Variants in RERE observed in about 807,000 individuals in gnomAD.
RERE encodes the protein arginine-glutamic acid dipeptide repeats protein.
In RERE, 40 loss-of-function variants were observed where a neutral mutation model predicts 146.1. The observed-to-expected ratio is 0.27, with a 90% CI of 0.21 to 0.36. The LOEUF is 0.36. Among genes scored for constraint, RERE ranks in the 10% least tolerant of loss-of-function variants. The pLI is 1.00. For synonymous variants in RERE, 1,003 were observed against 866.0 expected (o/e 1.16, Z -2.78); for missense variants, 1,933 against 2,138.7 (o/e 0.90, Z 1.90).
intron 4 of RERE, among the ~76,000 whole-genome samples, chr1:8,568,755 T>C (rs1646182376): frequency 6.6e-6 from 1 of 152,162 alleles, no homozygotes; most frequent in South Asian, 2.1e-4. Context: ...AAAAAAAGAC[T>C]AAGACATGGC....
At chr1:8,532,538 A>T (rs1645670973) in intron 7 of RERE, among the ~76,000 whole-genome samples, 1 of 152,144 alleles carries the variant, frequency 6.6e-6, no homozygotes, top group Non-Finnish European at 1.5e-5. Flanking sequence ...CTCCTGCCTC[A>T]GCCTCCCAAG....
intron 1 of RERE, among the ~76,000 whole-genome samples, chr1:8,682,150 C>T (rs1054738204): frequency 2.0e-5 from 3 of 152,148 alleles, no homozygotes; most frequent in African/African-American, 7.2e-5. Context: ...TGTACTGAAG[C>T]TCTGTCGTAT....
At chr1:8,372,590 T>C (rs1332421497) in intron 12 of RERE, among the ~76,000 whole-genome samples, 2 of 105,850 alleles carry the variant, frequency 1.9e-5, no homozygotes, top group African/African-American at 6.4e-5. Context: ...AATAACCGTA[T>C]GCGCACCCCC....
chr1:8,732,558 C>A (rs2124489400), intron 1 of RERE, among the ~76,000 whole-genome samples: 1 of 152,038 alleles, frequency 6.6e-6, no homozygotes, highest in Middle Eastern at 3.4e-3. Context: ...TGAAACTATT[C>A]TGCAGGATAC....
chr1:8,624,227 T>C, intron 3 of RERE, 83 bp downstream of exon 3: 4 of 1,104,636 alleles, frequency 3.6e-6, no homozygotes, highest in East Asian at 2.4e-5. Flanking sequence ...TCAACAGCGA[T>C]GGAGGAACAA....
At position 8,479,379 on chromosome 1, in the gene RERE, G is replaced by C. The variant is rs1178529009; in HGVS notation, c.1105-13356C>G. On this transcript the variant is annotated intron_variant, in intron 10 of 22. Coordinates refer to ENST00000400908, the MANE Select transcript of RERE (RefSeq NM_001042681.2). ...TTATATAATAGTCATTTTAACTGTG[G>C]TAGGCCAAAAAATGACCACCAGAAG... is the stretch of plus-strand genomic sequence containing the variant. Among the ~76,000 whole-genome samples, 3 of 151,464 alleles carry C rather than the reference G, an allele frequency of 2.0e-5. No individual in the cohort carries two copies. In the East Asian group the frequency reaches 5.8e-4, roughly 29 times the overall value.
At chr1:8,480,148 T>G (rs1399309688) in intron 10 of RERE, among the ~76,000 whole-genome samples, 41 of 147,352 alleles carry the variant, frequency 2.8e-4, no homozygotes, top group African/African-American at 9.7e-4. Flanking sequence ...TTTTTGTTTT[T>G]TTTTTTTTTG....
At chr1:8,510,109 G>A (rs1490257484) in intron 7 of RERE, among the ~76,000 whole-genome samples, 1 of 152,106 alleles carries the variant, frequency 6.6e-6, no homozygotes, top group African/African-American at 2.4e-5. Flanking sequence ...ACGAAGAAGA[G>A]GAAGAAGAAG....
At chr1:8,648,793 T>C (rs551984985) in intron 2 of RERE, among the ~76,000 whole-genome samples, 1 of 152,264 alleles carries the variant, frequency 6.6e-6, no homozygotes, top group African/African-American at 2.4e-5. Flanking sequence ...CATAAATACA[T>C]GTTTTGCACT....
At chr1:8,747,167 A>T (rs977902708) in intron 1 of RERE, among the ~76,000 whole-genome samples, 1 of 151,860 alleles carries the variant, frequency 6.6e-6, no homozygotes, top group African/African-American at 2.4e-5. Context: ...ACACCCAGCT[A>T]ATTTTTTGTA....
At chr1:8,627,337 G>A (rs1326218358) in intron 2 of RERE, among the ~76,000 whole-genome samples, 9 of 151,616 alleles carry the variant, frequency 5.9e-5, no homozygotes, top group Admixed American at 5.9e-4. Context: ...ATTAGTGTGG[G>A]GGTTAAAAAA....
intron 1 of RERE, among the ~76,000 whole-genome samples, chr1:8,782,309 C>G (rs1327895986): frequency 6.6e-6 from 1 of 152,050 alleles, no homozygotes; most frequent in Non-Finnish European, 1.5e-5. Flanking sequence ...ATAATATAGT[C>G]TATGATTTCT....
At chr1:8,622,706 T>G (rs756267774) in intron 3 of RERE, among the ~76,000 whole-genome samples, 1 of 152,116 alleles carries the variant, frequency 6.6e-6, no homozygotes, top group Non-Finnish European at 1.5e-5. Context: ...AATAGCACAT[T>G]TGACTTCATC....
At chr1:8,598,411 G>A (rs1260180048) in intron 4 of RERE, among the ~76,000 whole-genome samples, 2 of 152,206 alleles carry the variant, frequency 1.3e-5, no homozygotes, top group African/African-American at 2.4e-5. Context: ...CCCTCCAGCA[G>A]AAGCAACGTC....
At chr1:8,416,454 C>T (rs540990115) in intron 12 of RERE, among the ~76,000 whole-genome samples, 459 of 151,826 alleles carry the variant, frequency 3.0e-3, no homozygotes, top group Non-Finnish European at 5.1e-3. Flanking sequence ...GGCGTGGTGG[C>T]GGGCGCCTGT....
intron 1 of RERE, among the ~76,000 whole-genome samples, chr1:8,744,949 T>C (rs1309501108): frequency 6.6e-6 from 1 of 152,190 alleles, no homozygotes; most frequent in Non-Finnish European, 1.5e-5. Flanking sequence ...CGTGGCGCTG[T>C]AGATGCAGTT....
chr1:8,778,594 C>T (rs918653685), intron 1 of RERE, among the ~76,000 whole-genome samples: 2 of 152,194 alleles, frequency 1.3e-5, no homozygotes, highest in African/African-American at 4.8e-5. Flanking sequence ...TCCAGCTCTT[C>T]GGGAAGCCGA....
intron 1 of RERE, among the ~76,000 whole-genome samples, chr1:8,665,297 C>T (rs1638545393): frequency 1.3e-5 from 2 of 152,312 alleles, no homozygotes; most frequent in African/African-American, 4.8e-5. Flanking sequence ...ATTTGGTTAG[C>T]TTCTATCTCC....
At chr1:8,804,772 T>C (rs1007355680) in intron 1 of RERE, among the ~76,000 whole-genome samples, 1 of 151,558 alleles carries the variant, frequency 6.6e-6, no homozygotes, top group African/African-American at 2.4e-5. Context: ...AAGAGTTACA[T>C]GTTGAAGGCT....
Sources: allele counts gnomAD v4.1 joint callset (sites outside exome capture counted in the v4.1 genomes callset), GRCh38; gene constraint gnomAD v4.1.1; transcripts MANE v1.5; gene names NCBI Gene and HGNC (gene_info 2026-07-23, HGNC 2026-07-21).